ATP6V0A4: variants seen among roughly 807,000 people sequenced by gnomAD.
ATP6V0A4 encodes V-type proton ATPase 116 kDa subunit a 4.
Under a neutral mutation model 107.3 loss-of-function variants are expected in ATP6V0A4, and 86 were observed. That is an observed-to-expected ratio of 0.80 (90% CI 0.67 to 0.96). ATP6V0A4 has a LOEUF of 0.96. Among genes scored for constraint, ATP6V0A4 ranks in the 40% least tolerant of loss-of-function variants. ATP6V0A4 has a pLI of 0.00. For synonymous variants in ATP6V0A4, 353 were observed against 381.4 expected (o/e 0.93, Z 0.87); for missense variants, 908 against 1,045.6 (o/e 0.87, Z 1.81).
At chr7:138,753,090 T>C (rs1291610860) in intron 10 of ATP6V0A4, among the ~76,000 whole-genome samples, 8 of 152,218 alleles carry the variant, frequency 5.3e-5, no homozygotes, top group Admixed American at 5.2e-4. Flanking sequence ...GGTTGAATTG[T>C]CCACATAAAA....
At chr7:138,733,512 C>CA (rs5887898) in intron 16 of ATP6V0A4, among the ~76,000 whole-genome samples, 106,705 of 150,018 alleles carry the variant, frequency 0.71, 38,151 homozygotes, top group East Asian at 0.81. Flanking sequence ...AAGTGTGGCC[C>CA]ACAGGCCAAT....
chr7:138,784,046 T>C (rs1808034409), intron 2 of ATP6V0A4, among the ~76,000 whole-genome samples: 1 of 151,768 alleles, frequency 6.6e-6, no homozygotes, highest in Non-Finnish European at 1.5e-5. Flanking sequence ...GGGTGCCCAT[T>C]GGCAGGTAAG....
intron 1 of ATP6V0A4, among the ~76,000 whole-genome samples, chr7:138,790,768 G>T (rs1808374983): frequency 6.6e-6 from 1 of 152,122 alleles, no homozygotes; most frequent in Admixed American, 6.6e-5. Context: ...AGAAGGAAAG[G>T]TATCCAAAAT....
At chr7:138,779,342 T>A in intron 2 of ATP6V0A4, among the ~76,000 whole-genome samples, 1 of 150,118 alleles carries the variant, frequency 6.7e-6, no homozygotes, top group African/African-American at 2.5e-5. Context: ...AGTGAGACCC[T>A]ATCTTAAAAA....
chr7:138,752,813 G>A lies in ATP6V0A4; in HGVS notation c.841C>T (p.Arg281Cys), dbSNP rs765508266. ...ITVITQTESH[R>C]QRLLQEAAAN... ...GCGGCTTCCTGCAGCAGGCGCTGGC[G>A]GTGAGACTCTGTTTGTGTTATGACC... is the stretch of plus-strand genomic sequence containing the variant. Residue 281 changes from arginine (R) to cysteine (C), a missense_variant, in exon 11 of 22, where the codon CGC becomes TGC. Transcript: ENST00000310018. 2.4e-5 allele frequency: 38 copies of A among 1,613,962 alleles called. 1 individual carries two copies. Among genetic ancestry groups the A allele is most frequent in the Admixed American group, 1.0e-4 (6 of 60,008 alleles).
chr7:138,747,401 G>A (rs762116966), intron 13 of ATP6V0A4, 24 bp downstream of exon 13: 2 of 1,610,346 alleles, frequency 1.2e-6, no homozygotes, highest in African/African-American at 1.3e-5. Context: ...ATGAATCAGG[G>A]CAAGACGGTC....
At chr7:138,724,327 G>A (rs192149820) in intron 18 of ATP6V0A4, among the ~76,000 whole-genome samples, 80 of 152,284 alleles carry the variant, frequency 5.3e-4, no homozygotes, top group Non-Finnish European at 9.3e-4. Context: ...CCTGGACCAG[G>A]GAGCCCTCTT....
intron 8 of ATP6V0A4, among the ~76,000 whole-genome samples, chr7:138,757,463 T>A (rs1023409252): frequency 2.6e-5 from 4 of 151,794 alleles, no homozygotes; most frequent in African/African-American, 9.7e-5. Context: ...CTGCAGTGAG[T>A]CATGATCATA....
chr7:138,791,575 C>T (rs1808414673), intron 1 of ATP6V0A4, among the ~76,000 whole-genome samples: 1 of 152,002 alleles, frequency 6.6e-6, no homozygotes, highest in Non-Finnish European at 1.5e-5. Flanking sequence ...TAAAAACAGC[C>T]AAAAAATAAA....
intron 13 of ATP6V0A4, among the ~76,000 whole-genome samples, chr7:138,746,723 C>T (rs988539489): frequency 1.2e-4 from 19 of 152,072 alleles, no homozygotes; most frequent in African/African-American, 4.1e-4. Context: ...ACGTTGGCCT[C>T]GAACCCCTGA....
chr7:138,707,336 A>ATTT (rs1554386005), intron 21 of ATP6V0A4, among the ~76,000 whole-genome samples: 63 of 66,790 alleles, frequency 9.4e-4, no homozygotes, highest in Admixed American at 3.7e-3. Context: ...TTATATTTAT[A>ATTT]ATATATATAT....
chr7:138,770,522 A>G (rs1227560027), intron 3 of ATP6V0A4, among the ~76,000 whole-genome samples: 2 of 152,200 alleles, frequency 1.3e-5, no homozygotes, highest in African/African-American at 4.8e-5. Flanking sequence ...GCGAACAACA[A>G]GATGTGATTC....
intron 20 of ATP6V0A4, among the ~76,000 whole-genome samples, chr7:138,712,676 C>A (rs1803804806): frequency 1.3e-5 from 2 of 152,052 alleles, no homozygotes; most frequent in South Asian, 4.1e-4. Flanking sequence ...GCAGGGACTT[C>A]TAGAATGACC....
At chr7:138,757,347 C>G (rs1053103645) in intron 8 of ATP6V0A4, among the ~76,000 whole-genome samples, 3 of 152,088 alleles carry the variant, frequency 2.0e-5, no homozygotes, top group African/African-American at 7.2e-5. Context: ...AAAACCCCAT[C>G]TCTACAAAAA....
intron 20 of ATP6V0A4, among the ~76,000 whole-genome samples, chr7:138,710,574 T>C (rs924766764): frequency 1.3e-5 from 2 of 152,246 alleles, no homozygotes; most frequent in African/African-American, 4.8e-5. Context: ...TTATGCATTT[T>C]TGTAAACATG....
intron 11 of ATP6V0A4, among the ~76,000 whole-genome samples, chr7:138,750,712 C>T (rs535809293): frequency 2.0e-5 from 3 of 152,342 alleles, no homozygotes; most frequent in Admixed American, 1.3e-4. Flanking sequence ...CAGCGCTCTG[C>T]GCATGCATCA....
intron 17 of ATP6V0A4, among the ~76,000 whole-genome samples, chr7:138,730,347 T>A (rs1584905157): frequency 1.8e-5 from 2 of 114,092 alleles, no homozygotes; most frequent in African/African-American, 9.9e-5. Flanking sequence ...GATGAGTGTG[T>A]GTGTGTGTGT....
intron 18 of ATP6V0A4, among the ~76,000 whole-genome samples, chr7:138,724,217 G>A (rs928759201): frequency 1.3e-5 from 2 of 148,742 alleles, no homozygotes; most frequent in African/African-American, 4.9e-5. Flanking sequence ...AAAAGTGTGT[G>A]TATAGGGGTT....
At chr7:138,739,265 T>C (rs577899902) in intron 15 of ATP6V0A4, among the ~76,000 whole-genome samples, 1 of 152,268 alleles carries the variant, frequency 6.6e-6, no homozygotes, top group East Asian at 1.9e-4. Context: ...ACCAAGTGCC[T>C]TTTAAAGAAG....
Sources: gnomAD v4.1 joint callset for allele counts (sites outside exome capture counted in the v4.1 genomes callset) on GRCh38, gnomAD v4.1.1 for gene constraint, MANE v1.5 for transcripts, NCBI Gene and HGNC (gene_info 2026-07-23, HGNC 2026-07-21) for gene names.